STX5: variants seen among roughly 807,000 people sequenced by gnomAD.
STX5 encodes syntaxin-5.
In STX5, 15 loss-of-function variants were observed where a neutral mutation model predicts 42.9. The ratio of observed to expected loss-of-function variants is 0.35; its 90% confidence interval spans 0.23 to 0.54. The LOEUF is 0.54. Ranked by LOEUF, STX5 falls within the 20% of genes least tolerant of loss-of-function variation. STX5 has a pLI of 0.91. For synonymous variants in STX5, 184 were observed against 173.2 expected (o/e 1.06, Z -0.49); for missense variants, 430 against 455.0 (o/e 0.95, Z 0.50).
At chr11:62,807,653 G>C in intron 10 of STX5, 25 bp from the exon 11 acceptor site, 1 of 1,613,134 alleles carries the variant, frequency 6.2e-7, no homozygotes, top group South Asian at 1.1e-5. Flanking sequence ...GGGAGAAGAG[G>C]AAACAAAAGG....
chr11:62,810,708 A>G (rs1469701083), intron 10 of STX5, among the ~76,000 whole-genome samples: 6 of 152,186 alleles, frequency 3.9e-5, no homozygotes, highest in African/African-American at 1.4e-4. Context: ...TGCATCCCAA[A>G]AAACTTCAGA....
intron 5 of STX5, among the ~76,000 whole-genome samples, chr11:62,826,084 C>T (rs973457678): frequency 2.0e-5 from 3 of 152,150 alleles, no homozygotes; most frequent in African/African-American, 7.2e-5. Flanking sequence ...GAAATGCCAT[C>T]TCTACTAAAA....
chr11:62,829,687 C>T (rs561620685), intron 2 of STX5, among the ~76,000 whole-genome samples: 1 of 151,808 alleles, frequency 6.6e-6, no homozygotes, highest in African/African-American at 2.4e-5. Context: ...TTGCTTGAGC[C>T]CAGGAGGTCA....
intron 10 of STX5, among the ~76,000 whole-genome samples, chr11:62,814,628 AT>A (rs59288995): frequency 2.1e-3 from 288 of 136,390 alleles, no homozygotes; most frequent in Middle Eastern, 4.0e-3. Context: ...CGCTCAGCTA[AT>A]TTTTTTTTTT....
chr11:62,825,188 T>C lies in STX5; in HGVS notation c.598-71A>G, dbSNP rs553295717. 28 of 1,611,418 alleles carry C rather than the reference T, an allele frequency of 1.7e-5. No homozygotes were observed. The Middle Eastern group carries it at 5.3e-4, about 31-fold the overall frequency. The stretch of plus-strand genomic sequence containing the variant: ...AGGCATGTTAAAGAGACTCCCACCA[T>C]TGGCCCCATGACCCTGTAGAACTTG... On this transcript the variant is annotated intron_variant, in intron 7 of 10. Transcript: ENST00000294179.
intron 10 of STX5, among the ~76,000 whole-genome samples, chr11:62,818,019 G>A (rs928659396): frequency 6.6e-6 from 1 of 151,848 alleles, no homozygotes; most frequent in African/African-American, 2.4e-5. Flanking sequence ...CGTGGTGGGC[G>A]GATCACCTGA....
Position 62,832,031 on chromosome 11 carries a change from G to T in STX5, c.-97C>A, listed in dbSNP as rs1326721645. ...TGCCTCCTCCCCGAGCACTGAAGCC[G>T]CCGAAACCCGACCAAAGACTGGAAG... On this transcript the variant is annotated 5_prime_UTR_variant, in exon 1 of 11. Coordinates refer to ENST00000294179, the MANE Select transcript of STX5 (RefSeq NM_003164.5). 2.3e-5 allele frequency: 11 copies of T among 481,076 alleles called. No individual in the cohort carries two copies. The highest frequency in any genetic ancestry group is 3.3e-5 in the Non-Finnish European group (8 of 244,210). 29.8% of individuals were successfully genotyped at this position (481,076 alleles called of 1,614,324 possible). A position where few individuals can be genotyped will look rare whatever the true frequency, so the allele number is the denominator to read the frequency against.
intron 10 of STX5, among the ~76,000 whole-genome samples, chr11:62,812,977 T>C (rs2084634965): frequency 2.0e-5 from 3 of 150,628 alleles, no homozygotes; most frequent in Admixed American, 1.3e-4. Context: ...CCGGACATGG[T>C]GGCTCGTGCC....
Position 62,824,983 on chromosome 11 carries a change from A to C in STX5, c.679+53T>G, listed in dbSNP as rs753524853. 1.9e-6 allele frequency: 3 copies of C among 1,583,436 alleles called. No homozygotes were observed. In the South Asian group the frequency reaches 3.3e-5, roughly 18 times the overall value. On this transcript the variant is annotated intron_variant, in intron 8 of 10. Transcript: ENST00000294179. ...CGTGCCTTTAGAGGATGCCATCACA[A>C]CCAGAGTAAGTAACCTTACCTCCCA...
At chr11:62,811,009 A>C (rs954224596) in intron 10 of STX5, among the ~76,000 whole-genome samples, 1 of 152,200 alleles carries the variant, frequency 6.6e-6, no homozygotes, top group African/African-American at 2.4e-5. Context: ...AAGGAGAAAT[A>C]ACCACTCCTT....
intron 10 of STX5, among the ~76,000 whole-genome samples, chr11:62,808,726 G>A (rs577431514): frequency 6.6e-6 from 1 of 152,200 alleles, no homozygotes; most frequent in Non-Finnish European, 1.5e-5. Flanking sequence ...CAATACCAAG[G>A]GATGAGTGTG....
At chr11:62,829,687 C>G (rs561620685) in intron 2 of STX5, among the ~76,000 whole-genome samples, 1 of 151,924 alleles carries the variant, frequency 6.6e-6, no homozygotes, top group East Asian at 1.9e-4. Context: ...TTGCTTGAGC[C>G]CAGGAGGTCA....
chr11:62,830,083 AAAAG>A (rs1389523533), intron 2 of STX5, among the ~76,000 whole-genome samples: 2 of 150,566 alleles, frequency 1.3e-5, no homozygotes, highest in Non-Finnish European at 3.0e-5. Context: ...AAAAAAAAAA[AAAAG>A]AGAGAGAGGA....
At chr11:62,831,315 C>T (rs2084859250) in intron 1 of STX5, 53 bp from the exon 2 acceptor site, 15 of 1,245,408 alleles carry the variant, frequency 1.2e-5, no homozygotes, top group Non-Finnish European at 1.4e-5. Context: ...ACCCAAACTC[C>T]CCCGCCCCAC....
At chr11:62,823,896 T>G in intron 10 of STX5, 1 of 450,000 alleles carries the variant, frequency 2.2e-6, no homozygotes, top group Non-Finnish European at 4.1e-6. Context: ...CCTATCAAAT[T>G]CCATACACTT....
intron 10 of STX5, among the ~76,000 whole-genome samples, chr11:62,823,500 C>G (rs905371074): frequency 6.6e-6 from 1 of 151,920 alleles, no homozygotes; most frequent in African/African-American, 2.4e-5. Flanking sequence ...CCTATTTTAA[C>G]TCTGTATACA....
intron 4 of STX5, 41 bp from the exon 5 acceptor site, chr11:62,827,266 G>C (rs1279304269): frequency 6.2e-7 from 1 of 1,613,812 alleles, no homozygotes; most frequent in African/African-American, 1.3e-5. Flanking sequence ...TGAGGTCAAG[G>C]ACAAAGCTCA....
intron 2 of STX5, among the ~76,000 whole-genome samples, chr11:62,829,674 G>A (rs2084834228): frequency 6.6e-6 from 1 of 152,096 alleles, no homozygotes; most frequent in African/African-American, 2.4e-5. Context: ...TGAGGCAGGA[G>A]GGTTGCTTGA....
At chr11:62,824,115 T>C (rs1225000390) in intron 10 of STX5, 51 bp downstream of exon 10, 1 of 1,612,986 alleles carries the variant, frequency 6.2e-7, no homozygotes, top group South Asian at 1.1e-5. Flanking sequence ...AAGATGCCAA[T>C]CCACGGGGAA....
Sources: gnomAD v4.1 joint callset for allele counts (sites outside exome capture counted in the v4.1 genomes callset) on GRCh38, gnomAD v4.1.1 for gene constraint, MANE v1.5 for transcripts, NCBI Gene and HGNC (gene_info 2026-07-23, HGNC 2026-07-21) for gene names.